Variants in LINGO2 observed in about 807,000 individuals in gnomAD.
LINGO2 encodes leucine-rich repeat and immunoglobulin-like domain-containing nogo receptor-interacting protein 2.
LINGO2 carries 14 observed loss-of-function variants against 30.6 expected under a neutral mutation model. That is an observed-to-expected ratio of 0.46 (90% CI 0.30 to 0.72). The LOEUF (loss-of-function observed/expected upper bound fraction) is 0.72. Ranked by LOEUF, LINGO2 falls within the 30% of genes least tolerant of loss-of-function variation. The pLI is 0.07. For missense variants in LINGO2, 729 were observed against 751.7 expected (o/e 0.97, Z 0.35); for synonymous variants, 317 against 288.5 (o/e 1.10, Z -1.00).
chr9:29,146,834 T>C, the LINGO2 span, among the ~76,000 whole-genome samples: 1 of 152,168 alleles, frequency 6.6e-6, no homozygotes, highest in Non-Finnish European at 1.5e-5. Context: ...ATTCTTCAAA[T>C]ATTGGCATTT....
In LINGO2 at chr9:28,387,931, C is replaced by A. The variant is rs568585544; in HGVS notation, c.-278-15063G>T. 5.1e-4 allele frequency among the ~76,000 whole-genome samples: 78 copies of A among 152,254 alleles called. 2 individuals carry two copies. Among genetic ancestry groups the A allele is most frequent in the African/African-American group, 1.8e-3 (75 of 41,558 alleles). ...CCATCTTTAAGAACTGTAACACTCA[C>A]GGCGAGGGTCTGCAGCTTCATTCTT... is the stretch of plus-strand genomic sequence containing the variant. On this transcript the variant is annotated intron_variant, in intron 2 of 5. Coordinates refer to ENST00000379992, the Ensembl canonical transcript of LINGO2.
At chr9:29,095,302 A>C in the LINGO2 span, among the ~76,000 whole-genome samples, 1 of 139,100 alleles carries the variant, frequency 7.2e-6, no homozygotes, top group African/African-American at 2.7e-5. Context: ...TTTTTATTTA[A>C]CTATGGCAAT....
At chr9:28,811,382 C>G in the LINGO2 span, among the ~76,000 whole-genome samples, 1 of 152,122 alleles carries the variant, frequency 6.6e-6, no homozygotes, top group Admixed American at 6.5e-5. Context: ...CTCCATCCAT[C>G]TCTATGTGGT....
At chr9:29,086,713 T>C in the LINGO2 span, among the ~76,000 whole-genome samples, 1 of 152,184 alleles carries the variant, frequency 6.6e-6, no homozygotes, top group African/African-American at 2.4e-5. Context: ...CAAACATAAG[T>C]ATCTTCTCAG....
chr9:28,513,939 C>T (rs1402380459), intron 1 of LINGO2, among the ~76,000 whole-genome samples: 1 of 152,210 alleles, frequency 6.6e-6, no homozygotes, highest in Non-Finnish European at 1.5e-5. Flanking sequence ...GCAAGTCTAT[C>T]AGCACCATTT....
At chr9:28,878,820 G>A in the LINGO2 span, among the ~76,000 whole-genome samples, 1 of 152,030 alleles carries the variant, frequency 6.6e-6, no homozygotes, top group African/African-American at 2.4e-5. Context: ...AATAAATTAG[G>A]TACTGATGGG....
chr9:28,540,763 C>T (rs976665262), intron 1 of LINGO2, among the ~76,000 whole-genome samples: 1 of 152,114 alleles, frequency 6.6e-6, no homozygotes, highest in Non-Finnish European at 1.5e-5. Flanking sequence ...ACATTAATTC[C>T]ACACTATAGA....
chr9:28,061,146 T>C (rs1825131544), intron 4 of LINGO2, among the ~76,000 whole-genome samples: 1 of 150,364 alleles, frequency 6.7e-6, no homozygotes, highest in South Asian at 2.1e-4. Context: ...TCTGCATTCT[T>C]TCTGGTTCTC....
chr9:28,891,276 T>C, the LINGO2 span, among the ~76,000 whole-genome samples: 1 of 151,946 alleles, frequency 6.6e-6, no homozygotes, highest in Non-Finnish European at 1.5e-5. Context: ...CACATTATAT[T>C]TAATCTCTCT....
chr9:28,414,556 GTATT>G, intron 2 of LINGO2, among the ~76,000 whole-genome samples: 1 of 152,052 alleles, frequency 6.6e-6, no homozygotes. Context: ...TACCAACTGT[GTATT>G]TAATATTCAA....
rs570343743 is a variant in LINGO2, at chr9:28,184,383, T to G, written c.-87+110825A>C. Among the ~76,000 whole-genome samples the G allele has an allele frequency of 5.3e-5, 8 of 152,274 alleles. 1 individual carries two copies. The East Asian group carries it at 1.4e-3, about 26-fold the overall frequency. ...ACTATGAGGCACATCTGGTCTAACA[T>G]TAAAGCCTATATTTTTCTGCTACCT... On this transcript the variant is annotated intron_variant, in intron 4 of 5. Transcript: ENST00000379992.
intron 4 of LINGO2, among the ~76,000 whole-genome samples, chr9:28,035,967 C>A (rs540325553): frequency 1.3e-5 from 2 of 152,162 alleles, no homozygotes; most frequent in African/African-American, 4.8e-5. Context: ...TGTGGTCATT[C>A]AATATCTAGC....
At chr9:28,055,448 C>G (rs1332547745) in intron 4 of LINGO2, among the ~76,000 whole-genome samples, 1 of 152,132 alleles carries the variant, frequency 6.6e-6, no homozygotes. Context: ...GCATTTGCAG[C>G]AAGTCTGTTT....
chr9:28,496,961 T>G lies in LINGO2; in HGVS notation c.-364-20936A>C, dbSNP rs1366229881. ...ATGAAATTCTGGGTTGAAAATTCTT[T>G]TCTTTAAGAATGTTGAATATTGGCC... On this transcript the variant is annotated intron_variant, in intron 1 of 5. Coordinates refer to ENST00000379992, the Ensembl canonical transcript of LINGO2. 2.6e-5 allele frequency among the ~76,000 whole-genome samples: 4 copies of G among 152,206 alleles called. No homozygotes were observed. In the South Asian group the frequency reaches 6.2e-4, roughly 24 times the overall value.
chr9:28,394,235 C>T (rs542239419), intron 2 of LINGO2, among the ~76,000 whole-genome samples: 2 of 152,242 alleles, frequency 1.3e-5, no homozygotes, highest in East Asian at 1.9e-4. Context: ...CTTCACTTTG[C>T]GTAAAGACTA....
rs567557470 is a variant in LINGO2 at position 28,003,910 on chromosome 9, T to C, written c.-36+8445A>G. Among the ~76,000 whole-genome samples, 233 of 152,324 alleles carry C rather than the reference T, an allele frequency of 1.5e-3. 1 individual carries two copies. Among genetic ancestry groups the C allele is most frequent in the Middle Eastern group, 3.4e-3 (1 of 294 alleles). On this transcript the variant is annotated intron_variant, in intron 5 of 5. Transcript: ENST00000379992. ...TGGTTGGGACCGAGTTTGTCTTATT[T>C]GAACACCACTATGTACCAACACTAA... is the stretch of plus-strand genomic sequence containing the variant.
At chr9:28,753,986 T>A in the LINGO2 span, among the ~76,000 whole-genome samples, 1 of 148,874 alleles carries the variant, frequency 6.7e-6, no homozygotes, top group African/African-American at 2.5e-5. Context: ...TTAATTTTTA[T>A]TAAATTATTA....
At chr9:28,160,825 C>T (rs972910247) in intron 4 of LINGO2, among the ~76,000 whole-genome samples, 1 of 152,126 alleles carries the variant, frequency 6.6e-6, no homozygotes, top group African/African-American at 2.4e-5. Flanking sequence ...TGATTTCTGC[C>T]TCTTGGCTCC....
At chr9:28,677,302 T>C in the LINGO2 span, among the ~76,000 whole-genome samples, 1 of 152,160 alleles carries the variant, frequency 6.6e-6, no homozygotes, top group African/African-American at 2.4e-5. Flanking sequence ...GACATGTTCC[T>C]TAACCAAAAA....
Sources: allele counts gnomAD v4.1 joint callset (sites outside exome capture counted in the v4.1 genomes callset), GRCh38; gene constraint gnomAD v4.1.1; transcripts MANE v1.5; gene names NCBI Gene and HGNC (gene_info 2026-07-23, HGNC 2026-07-21).